Variants in HCN1 observed in about 807,000 individuals in gnomAD.
HCN1 encodes potassium/sodium hyperpolarization-activated cyclic nucleotide-gated channel 1.
Under a neutral mutation model 78.9 loss-of-function variants are expected in HCN1, and 13 were observed. That is an observed-to-expected ratio of 0.16 (90% CI 0.11 to 0.26). The LOEUF is 0.26. Ranked by LOEUF, HCN1 falls within the 10% of genes least tolerant of loss-of-function variation. The probability of loss-of-function intolerance (pLI) is 1.00; values close to 1 mark genes in which losing one functional copy is unlikely to be tolerated. For synonymous variants in HCN1, 552 were observed against 455.5 expected (o/e 1.21, Z -2.70); for missense variants, 810 against 1,154.3 (o/e 0.70, Z 4.32).
At chr5:45,419,221 G>A (rs1356772485) in intron 3 of HCN1, among the ~76,000 whole-genome samples, 1 of 152,116 alleles carries the variant, frequency 6.6e-6, no homozygotes, top group East Asian at 1.9e-4. Context: ...GGATAGGAAA[G>A]CATCATGGAA....
chr5:45,305,439 T>C (rs1745709140), intron 5 of HCN1, among the ~76,000 whole-genome samples: 3 of 152,040 alleles, frequency 2.0e-5, no homozygotes, highest in South Asian at 2.1e-4. Context: ...TAAGCAACAA[T>C]AATCAGAAAG....
At chr5:45,332,249 T>G (rs1246478032) in intron 5 of HCN1, among the ~76,000 whole-genome samples, 12 of 151,474 alleles carry the variant, frequency 7.9e-5, no homozygotes, top group Admixed American at 7.9e-4. Context: ...TTTGGTACAG[T>G]AATGCAGATA....
At chr5:45,502,249 T>A (rs1742206207) in intron 2 of HCN1, among the ~76,000 whole-genome samples, 1 of 151,020 alleles carries the variant, frequency 6.6e-6, no homozygotes, top group South Asian at 2.1e-4. Flanking sequence ...GGGCGGATCA[T>A]CTGAGGTCAG....
At chr5:45,315,833 G>T (rs892593639) in intron 5 of HCN1, among the ~76,000 whole-genome samples, 15 of 152,026 alleles carry the variant, frequency 9.9e-5, no homozygotes, top group Admixed American at 1.3e-4. Context: ...ATAAATTCCT[G>T]GACACATACA....
chr5:45,606,979 T>G (rs957242060), intron 2 of HCN1, among the ~76,000 whole-genome samples: 1 of 151,810 alleles, frequency 6.6e-6, no homozygotes, highest in African/African-American at 2.4e-5. Context: ...GCATCTGATT[T>G]GAGATGTTAG....
chr5:45,380,949 C>T (rs1747797364), intron 4 of HCN1, among the ~76,000 whole-genome samples: 1 of 152,104 alleles, frequency 6.6e-6, no homozygotes, highest in Admixed American at 6.6e-5. Context: ...GATTAGTGTG[C>T]TGTGAGCACA....
At chr5:45,290,672 C>T (rs1745354912) in intron 6 of HCN1, among the ~76,000 whole-genome samples, 1 of 151,920 alleles carries the variant, frequency 6.6e-6, no homozygotes, top group Non-Finnish European at 1.5e-5. Context: ...TCCAATGCTA[C>T]CAATATTTAC....
At chr5:45,601,694 A>G (rs2111964918) in intron 2 of HCN1, among the ~76,000 whole-genome samples, 1 of 152,228 alleles carries the variant, frequency 6.6e-6, no homozygotes, top group Non-Finnish European at 1.5e-5. Context: ...CAGGCATTCT[A>G]ACTACTGCAC....
intron 7 of HCN1, among the ~76,000 whole-genome samples, chr5:45,266,047 A>G (rs909324009): frequency 1.3e-5 from 2 of 152,114 alleles, no homozygotes; most frequent in Admixed American, 1.3e-4. Flanking sequence ...AGGGTGGCAA[A>G]GAGGGTTTAG....
rs113468668 is a variant in HCN1 at position 45,340,564 on chromosome 5, G to T, written c.1377+12536C>A. On this transcript the variant is annotated intron_variant, in intron 5 of 7. Transcript: ENST00000303230. ...ACTTTGAACCTCTCCAGGCCCCTGA[G>T]AATCCAATCTGGTTCCAGTGTCCTG... 1.3e-4 allele frequency among the ~76,000 whole-genome samples: 20 copies of T among 152,208 alleles called. 1 individual carries two copies. The highest frequency in any genetic ancestry group is 4.8e-4 in the African/African-American group (20 of 41,532).
At chr5:45,400,565 A>AT (rs1739773255) in intron 3 of HCN1, among the ~76,000 whole-genome samples, 1 of 151,458 alleles carries the variant, frequency 6.6e-6, no homozygotes, top group Non-Finnish European at 1.5e-5. Flanking sequence ...CTAATTTTGC[A>AT]TTTTTAGTAG....
At chr5:45,567,754 A>C (rs906906922) in intron 2 of HCN1, among the ~76,000 whole-genome samples, 8 of 152,012 alleles carry the variant, frequency 5.3e-5, no homozygotes, top group African/African-American at 1.9e-4. Flanking sequence ...TTAAGTTCTA[A>C]CTCTGACCCT....
intron 2 of HCN1, chr5:45,642,024 C>T (rs1745463399): frequency 6.6e-6 from 1 of 152,078 alleles, no homozygotes; most frequent in Non-Finnish European, 1.5e-5. Context: ...AACGACAATG[C>T]TGAATTCAAA....
At chr5:45,539,140 G>C (rs1743037299) in intron 2 of HCN1, among the ~76,000 whole-genome samples, 1 of 152,082 alleles carries the variant, frequency 6.6e-6, no homozygotes. Context: ...ATGAATATCT[G>C]CATCTGTCAA....
chr5:45,296,431 A>G (rs2111893152), intron 6 of HCN1, among the ~76,000 whole-genome samples: 1 of 152,050 alleles, frequency 6.6e-6, no homozygotes, highest in South Asian at 2.1e-4. Flanking sequence ...AAATTAAAAT[A>G]TGACACCAAA....
intron 3 of HCN1, among the ~76,000 whole-genome samples, chr5:45,425,881 T>C (rs1242662502): frequency 6.6e-6 from 1 of 152,132 alleles, no homozygotes; most frequent in Non-Finnish European, 1.5e-5. Flanking sequence ...GAAATAATAC[T>C]TGAAAAAGAC....
At chr5:45,324,140 A>G (rs1316854381) in intron 5 of HCN1, among the ~76,000 whole-genome samples, 2 of 151,778 alleles carry the variant, frequency 1.3e-5, no homozygotes, top group East Asian at 1.9e-4. Context: ...CGCCACACCA[A>G]CTTCCATGAT....
At chr5:45,347,873 C>T (rs1204569870) in intron 5 of HCN1, among the ~76,000 whole-genome samples, 1 of 152,088 alleles carries the variant, frequency 6.6e-6, no homozygotes, top group Non-Finnish European at 1.5e-5. Context: ...TATGAAAAGA[C>T]CAAATCTACG....
intron 3 of HCN1, among the ~76,000 whole-genome samples, chr5:45,437,574 G>A (rs1270228640): frequency 6.6e-6 from 1 of 152,070 alleles, no homozygotes; most frequent in African/African-American, 2.4e-5. Flanking sequence ...GCTGTTAGCT[G>A]AGGTCACAAC....
Sources: allele counts gnomAD v4.1 joint callset (sites outside exome capture counted in the v4.1 genomes callset), GRCh38; gene constraint gnomAD v4.1.1; transcripts MANE v1.5; gene names NCBI Gene and HGNC (gene_info 2026-07-23, HGNC 2026-07-21).